Variants in DAPK2 observed in about 807,000 individuals in gnomAD.
DAPK2 encodes the protein death-associated protein kinase 2.
A neutral mutation model predicts 44.1 loss-of-function variants in DAPK2; 35 were observed. The ratio of observed to expected loss-of-function variants is 0.79; its 90% CI spans 0.61 to 1.05. DAPK2 has a LOEUF of 1.05. DAPK2 is among the 50% of genes least tolerant of loss of function. The pLI is 0.00. For synonymous variants in DAPK2, 174 were observed against 182.6 expected (o/e 0.95, Z 0.38); for missense variants, 453 against 483.2 (o/e 0.94, Z 0.59).
intron 3 of DAPK2, among the ~76,000 whole-genome samples, chr15:63,951,753 C>T (rs1459539890): frequency 3.3e-5 from 5 of 152,198 alleles, no homozygotes; most frequent in Non-Finnish European, 7.3e-5. Flanking sequence ...AATTGAAATC[C>T]ACCTGCAATC....
chr15:64,015,855 C>T (rs763796230), intron 1 of DAPK2, among the ~76,000 whole-genome samples: 5 of 152,328 alleles, frequency 3.3e-5, no homozygotes, highest in Non-Finnish European at 7.4e-5. Context: ...GATTCTGTCT[C>T]AGAGCCTCCC....
chr15:63,915,589 G>C lies in DAPK2; in HGVS notation c.859-3392C>G, dbSNP rs569121842. Among the ~76,000 whole-genome samples, 3 of 152,320 alleles carry C rather than the reference G, an allele frequency of 2.0e-5. No individual in the cohort carries two copies. In the East Asian group the frequency reaches 5.8e-4, roughly 29 times the overall value. On this transcript the variant is annotated intron_variant, in intron 8 of 10. Transcript: ENST00000261891. ...TCAACTTGCAGGTGTGGGGAATCTC[G>C]TTAATGAGAATCCCACCCTCCTCCT... is the stretch of plus-strand genomic sequence containing the variant.
upstream of DAPK2, chr15:64,046,346 A>AGCTGCGGGC: frequency 2.2e-5 from 4 of 184,324 alleles, no homozygotes; most frequent in Non-Finnish European, 2.9e-5. This position sits in a 1 kb window ranked among gnomAD's most constrained non-coding sequence, Gnocchi z 5.3. Flanking sequence ...GCGCGGCGGG[A>AGCTGCGGGC]GCGGCGGGCG....
At chr15:63,967,142 T>C (rs866828153) in intron 3 of DAPK2, among the ~76,000 whole-genome samples, 1 of 152,038 alleles carries the variant, frequency 6.6e-6, no homozygotes, top group Non-Finnish European at 1.5e-5. Flanking sequence ...ATTGCACCAC[T>C]GCACTCCAGC....
At chr15:63,971,634 G>C (rs1311062482) in intron 2 of DAPK2, 73 bp from the exon 4 acceptor site, 1 of 1,537,622 alleles carries the variant, frequency 6.5e-7, no homozygotes, top group Non-Finnish European at 8.8e-7. Flanking sequence ...TGGGCTGATA[G>C]GGGCAAGCCC....
chr15:64,035,572 T>C (rs954812149), intron 1 of DAPK2, among the ~76,000 whole-genome samples: 2 of 152,180 alleles, frequency 1.3e-5, no homozygotes, highest in African/African-American at 4.8e-5. Context: ...CTATCACCAG[T>C]TCACCTCTTC....
intron 8 of DAPK2, among the ~76,000 whole-genome samples, chr15:63,915,015 C>T (rs887535418): frequency 1.3e-5 from 2 of 152,156 alleles, no homozygotes; most frequent in African/African-American, 4.8e-5. Context: ...TCCATGGATG[C>T]TCAAGTCCCT....
At chr15:64,042,938 A>T (rs2080382237), upstream of DAPK2, among the ~76,000 whole-genome samples, 1 of 152,200 alleles carries the variant, frequency 6.6e-6, no homozygotes. The surrounding 1 kb of genome is among the most constrained non-coding windows in gnomAD (Gnocchi z 4.7). Context: ...AAGTTCTCCC[A>T]GAGTGCTCTT....
At chr15:64,004,507 G>T (rs995317707) in intron 1 of DAPK2, among the ~76,000 whole-genome samples, 1 of 152,194 alleles carries the variant, frequency 6.6e-6, no homozygotes, top group Non-Finnish European at 1.5e-5. Flanking sequence ...CCTTTGCCTG[G>T]ATGGGGCAGC....
rs549126328 is a variant in DAPK2 at position 64,011,467 on chromosome 15, A to G, written c.93-27713T>C. On this transcript the variant is annotated intron_variant, in intron 1 of 10. Transcript: ENST00000261891. ...TCCAAGCTACTCAGGAGGCTGAGGC[A>G]GGAGAATCGCTTAAACCCAGGAGGC... 9.2e-5 allele frequency among the ~76,000 whole-genome samples: 14 copies of G among 152,344 alleles called. 1 individual carries two copies. The South Asian group carries it at 2.9e-3, about 32-fold the overall frequency.
chr15:63,986,550 C>T (rs563372965), intron 1 of DAPK2, among the ~76,000 whole-genome samples: 6 of 152,154 alleles, frequency 3.9e-5, no homozygotes, highest in Admixed American at 1.3e-4. Flanking sequence ...CTCAGCCTCC[C>T]GAGTAGCTGG....
intron 1 of DAPK2, among the ~76,000 whole-genome samples, chr15:63,998,754 C>A (rs1274848029): frequency 6.6e-6 from 1 of 152,198 alleles, no homozygotes; most frequent in East Asian, 1.9e-4. Context: ...GTCTACTTCC[C>A]GGAATCTCAC....
chr15:63,911,854 G>A, intron 10 of DAPK2, 54 bp downstream of exon 11: 1 of 1,577,492 alleles, frequency 6.3e-7, no homozygotes, highest in African/African-American at 1.3e-5. Context: ...ACCCATCCCT[G>A]AGCTCCAGGC....
chr15:63,923,474 C>G lies in DAPK2; in HGVS notation c.858+1342G>C. On this transcript the variant is annotated intron_variant, in intron 8 of 10. Coordinates refer to ENST00000261891, the Ensembl canonical transcript of DAPK2. This position sits in a 1 kb window ranked among gnomAD's most constrained non-coding sequence, Gnocchi z 4.2. ...TGCATGCGTCAGGCCATGGGGAGAA[C>G]CAGGGTGGGATGAGCACCTCCTTAG... 1 of 1,442,268 alleles carries G rather than the reference C, an allele frequency of 6.9e-7. No individual in the cohort carries two copies. The highest frequency in any genetic ancestry group is 1.4e-5 in the African/African-American group (1 of 70,172). 89.3% of individuals were successfully genotyped at this position (1,442,268 alleles called of 1,614,324 possible).
At chr15:64,031,522 C>T (rs778914021) in intron 1 of DAPK2, among the ~76,000 whole-genome samples, 7 of 152,194 alleles carry the variant, frequency 4.6e-5, no homozygotes, top group Non-Finnish European at 1.0e-4. Context: ...CGTCAGCCAC[C>T]ATGCCTGCCC....
At chr15:64,000,796 G>A (rs1218212297) in intron 1 of DAPK2, among the ~76,000 whole-genome samples, 1 of 152,076 alleles carries the variant, frequency 6.6e-6, no homozygotes, top group East Asian at 1.9e-4. Flanking sequence ...ATGACAAAGT[G>A]TCTGATGAGT....
chr15:63,959,632 G>A (rs2077828528), intron 3 of DAPK2, among the ~76,000 whole-genome samples: 1 of 152,108 alleles, frequency 6.6e-6, no homozygotes, highest in Non-Finnish European at 1.5e-5. Context: ...TTCGTCTTTG[G>A]TTCTGTTTAT....
At chr15:63,922,452 C>G in intron 8 of DAPK2, 1 of 1,173,422 alleles carries the variant, frequency 8.5e-7, no homozygotes, top group Non-Finnish European at 1.1e-6. Context: ...GGCCAGCCAT[C>G]CTCCCTCTGC....
intron 3 of DAPK2, among the ~76,000 whole-genome samples, chr15:63,954,173 T>C (rs1443132881): frequency 6.6e-6 from 1 of 152,212 alleles, no homozygotes; most frequent in Admixed American, 6.5e-5. Context: ...ATCCCATTTG[T>C]CTATGTTTCT....
Sources: allele counts gnomAD v4.1 joint callset (sites outside exome capture counted in the v4.1 genomes callset), GRCh38; gene constraint gnomAD v4.1.1; non-coding constraint Gnocchi (gnomAD v3.1); transcripts MANE v1.5; gene names NCBI Gene and HGNC (gene_info 2026-07-23, HGNC 2026-07-21).